Variants in MUC3A observed in about 807,000 individuals in gnomAD.
MUC3A encodes the protein mucin-3A.
MUC3A carries 109 observed loss-of-function variants against 109.0 expected under a neutral mutation model. The ratio of observed to expected loss-of-function variants is 1.00; its 90% CI spans 0.86 to 1.17. The LOEUF (loss-of-function observed/expected upper bound fraction) is 1.17. Among genes scored for constraint, MUC3A ranks in the 50% most tolerant of loss-of-function variants. The pLI is 0.00. For synonymous variants in MUC3A, 1,398 were observed against 981.4 expected, an observed-to-expected ratio of 1.42 and a Z score of -7.93; for missense variants, 3,537 against 2,469.4, an observed-to-expected ratio of 1.43 and a Z score of -9.16.
Position 100,967,196 on chromosome 7 carries a change from C to T in MUC3A, c.*34C>T, listed in dbSNP as rs1792623861. The T allele has an allele frequency of 2.5e-6, 4 of 1,598,206 alleles. No individual in the cohort carries two copies. The highest frequency in any genetic ancestry group is 2.5e-6 in the Non-Finnish European group (3 of 1,179,734). On this transcript the variant is annotated 3_prime_UTR_variant, in exon 12 of 12. Coordinates refer to ENST00000379458, the MANE Select transcript of MUC3A (RefSeq NM_005960.2). ...GGGCCCCTTCACCACCCCCTCCGCC[C>T]TGCCCCGGACACAAGGGTCTGCATT...
At position 100,967,173 on chromosome 7, in the gene MUC3A, G is replaced by T. The variant is rs761016154; in HGVS notation, c.*11G>T. 1.3e-5 allele frequency: 21 copies of T among 1,598,512 alleles called. No homozygotes were observed. The highest frequency in any genetic ancestry group is 1.2e-4 in the Admixed American group (7 of 60,026). On this transcript the variant is annotated 3_prime_UTR_variant, in exon 12 of 12. Transcript: ENST00000379458. ...TCGTCCTCAGTGTGAGCCCTGCGGG[G>T]CCCCTTCACCACCCCCTCCGCCCTG... is the stretch of plus-strand genomic sequence containing the variant.
Position 100,952,364 on chromosome 7 carries a change from A to G in MUC3A, c.585A>G (p.Ala195=). ...AMTSSPSTTT[A]RETPIVTVTP... is the part of the protein sequence containing the mutation. ...CATCTTCTCCCTCTACCACCACTGC[A>G]AGGGAAACTCCCATAGTGACAGTGA... The change falls in exon 2 of 12, where the codon GCA becomes GCG. Residue 195 remains alanine, a synonymous_variant. Transcript: ENST00000379458. 1 of 1,598,524 alleles carries G rather than the reference A, an allele frequency of 6.3e-7. No homozygotes were observed. The highest frequency in any genetic ancestry group is 8.5e-7 in the Non-Finnish European group (1 of 1,179,768).
chr7:100,958,894 C>G lies in MUC3A; in HGVS notation c.7115C>G (p.Thr2372Ser). ...ACCACCGAGACCACCTCACACAGTACTCCCAGCTTCAGTTCTTCAATCACC... is the reference window on the plus strand; with the variant it reads ...ACCACCGAGACCACCTCACACAGTAGTCCCAGCTTCAGTTCTTCAATCACC... ...ITTTETTSHS[T>S]PSFSSSITTT... The change falls in exon 2 of 12, where the codon ACT becomes AGT. Residue 2372 changes from threonine to serine, a missense_variant. Coordinates refer to ENST00000379458, the MANE Select transcript of MUC3A (RefSeq NM_005960.2). 6.3e-7 allele frequency: 1 copy of G among 1,594,536 alleles called. No homozygotes were observed. The highest frequency in any genetic ancestry group is 8.5e-7 in the Non-Finnish European group (1 of 1,177,358).
At chr7:100,966,588 G>A (rs750162854) in intron 9 of MUC3A, 29 bp downstream of exon 9, 62 of 1,579,044 alleles carry the variant, frequency 3.9e-5, no homozygotes, top group Non-Finnish European at 5.1e-5. Flanking sequence ...GGGCCGGGGG[G>A]CGAGGGCAGC....
rs1792684036 is a variant in MUC3A at position 100,967,961 on chromosome 7, C to CCCAG, written c.*801_*802insAGCC. ...ATTCATCGGTTCTGCCCCCGACTCC[C>CCCAG]CCTGACCTAAATACCCCAGCTGCTG... On this transcript the variant is annotated 3_prime_UTR_variant, in exon 12 of 12. Transcript: ENST00000379458. 1 of 155,252 alleles carries CCCAG rather than the reference C, an allele frequency of 6.4e-6. No homozygotes were observed. The highest frequency in any genetic ancestry group is 1.4e-5 in the Non-Finnish European group (1 of 70,162). 9.6% of individuals were successfully genotyped at this position (155,252 alleles called of 1,614,324 possible).
Position 100,960,061 on chromosome 7 carries a change from T to C in MUC3A, c.8282T>C (p.Ile2761Thr). The C allele has an allele frequency of 6.6e-7, 1 of 1,510,350 alleles. No individual in the cohort carries two copies. Among genetic ancestry groups the C allele is most frequent in the Non-Finnish European group, 8.8e-7 (1 of 1,140,364 alleles). 93.6% of individuals were successfully genotyped at this position (1,510,350 alleles called of 1,614,324 possible). The change falls in exon 2 of 12, where the codon ATT becomes ACT. Residue 2761 changes from isoleucine to threonine, a missense_variant. By Grantham distance (89) the Ile-to-Thr change is moderately conservative. Coordinates refer to ENST00000379458, the MANE Select transcript of MUC3A (RefSeq NM_005960.2). ...ACTGAAATAACCCCCTTTTCTTATATTTCCCTTCCCTCCACCACACCCTGT... is the reference window on the plus strand; with the variant it reads ...ACTGAAATAACCCCCTTTTCTTATACTTCCCTTCCCTCCACCACACCCTGT... ...ALTEITPFSY[I>T]SLPSTTPCPG...
At chr7:100,961,043 C>A (rs1792310634) in intron 3 of MUC3A, 106 bp downstream of exon 3, 1 of 1,565,224 alleles carries the variant, frequency 6.4e-7, no homozygotes, top group East Asian at 2.3e-5. Context: ...GCCTTTTTGC[C>A]CGGTCCTTCC....
chr7:100,967,416 A>G lies in MUC3A; in HGVS notation c.*254A>G. The stretch of plus-strand genomic sequence containing the variant: ...GTCAGTAACGAGCCTCAGTTTCCTC[A>G]CCTGCAAAACGGGTACAGCATTCCT... On this transcript the variant is annotated 3_prime_UTR_variant, in exon 12 of 12. Coordinates refer to ENST00000379458, the MANE Select transcript of MUC3A (RefSeq NM_005960.2). 4.9e-6 allele frequency: 3 copies of G among 611,808 alleles called. No homozygotes were observed. Among genetic ancestry groups the G allele is most frequent in the Non-Finnish European group, 8.6e-6 (3 of 348,754 alleles). 37.9% of individuals were successfully genotyped at this position (611,808 alleles called of 1,614,324 possible).
chr7:100,958,146 A>C lies in MUC3A; in HGVS notation c.6367A>C (p.Ser2123Arg). ...CACCACCTCTGAGATGCCCTCACAC[A>C]GTACTCCCAGCTTCACTTCTTCGAT... Reference protein sequence around the residue: ...SITTSEMPSHSTPSFTSSITT... With the variant: ...SITTSEMPSHRTPSFTSSITT... The change falls in exon 2 of 12, where the codon AGT becomes CGT. Residue 2123 changes from serine to arginine, a missense_variant. Transcript: ENST00000379458. The C allele has an allele frequency of 7.8e-7, 1 of 1,286,996 alleles. No individual in the cohort carries two copies. The highest frequency in any genetic ancestry group is 1.1e-6 in the Non-Finnish European group (1 of 897,248). The allele number at this position is 1,286,996 out of a possible 1,614,324, so 79.7% of individuals were successfully genotyped here.
chr7:100,964,938 T>A, intron 6 of MUC3A, 95 bp downstream of exon 6: 1 of 1,479,008 alleles, frequency 6.8e-7, no homozygotes. Flanking sequence ...GTGCCAGCCC[T>A]GTGGTACCTC....
rs146219126 is a variant in MUC3A at position 100,952,868 on chromosome 7, A to T, written c.1089A>T (p.Thr363=). The change falls in exon 2 of 12, where the codon ACA becomes ACT. Residue 363 remains threonine, a synonymous_variant. Coordinates refer to ENST00000379458, the MANE Select transcript of MUC3A (RefSeq NM_005960.2). ...CAAGTATGACAGGTACATTGTCCAC[A>T]GAGACTTCTCTCCCACCCACCTCTT... ...YSTSMTGTLS[T]ETSLPPTSSS... 15 of 1,339,168 alleles carry T rather than the reference A, an allele frequency of 1.1e-5. No homozygotes were observed. The highest frequency in any genetic ancestry group is 1.3e-5 in the Non-Finnish European group (13 of 1,039,258). The allele number at this position is 1,339,168 out of a possible 1,614,324, so 83.0% of individuals were successfully genotyped here.
chr7:100,964,619 G>A (rs1358858503), intron 5 of MUC3A, 76 bp from the exon 6 acceptor site: 2 of 1,522,042 alleles, frequency 1.3e-6, no homozygotes, highest in East Asian at 4.6e-5. Context: ...TGCACTTTGG[G>A]TTGCTTCTGG....
intron 3 of MUC3A, among the ~76,000 whole-genome samples, chr7:100,962,759 CCCTT>C (rs1208528788): frequency 1.3e-5 from 2 of 150,140 alleles, no homozygotes; most frequent in African/African-American, 4.9e-5. Flanking sequence ...AATGCTTTCT[CCCTT>C]TCTTTCTTTC....
chr7:100,966,948 G>A lies in MUC3A; in HGVS notation c.9927G>A (p.Met3309Ile), dbSNP rs754132920. The A allele has an allele frequency of 1.9e-6, 3 of 1,598,544 alleles. No homozygotes were observed. The highest frequency in any genetic ancestry group is 3.3e-4 in the Middle Eastern group (2 of 6,058). The change falls in exon 11 of 12, where the codon ATG becomes ATA. Residue 3309 changes from methionine (M) to isoleucine (I), a missense_variant. Physicochemically the swap from Met to Ile is conservative, Grantham distance 10. Transcript: ENST00000379458. Reference protein sequence around the residue: ...YVALENVDTTMKVHIKRPEMT... With the variant: ...YVALENVDTTIKVHIKRPEMT... Reference sequence around the variant, plus strand: ...CCTTGGAGAACGTGGACACCACTATGAAGGTGAGGGGCTAAAGAGGGGGAC... The same window carrying A: ...CCTTGGAGAACGTGGACACCACTATAAAGGTGAGGGGCTAAAGAGGGGGAC...
Position 100,955,221 on chromosome 7 carries a change from TCCCTTAGTAC to T in MUC3A, c.3446_3455del (p.Leu1149ProfsTer30). ...GATAACCACCACCCCTAATACCACCTCCCTTAGTACCCCCAGCTTCACTTCTTCAACCATC... is the reference window on the plus strand; with the variant it reads ...GATAACCACCACCCCTAATACCACCTCCCCAGCTTCACTTCTTCAACCATC... On this transcript the variant is annotated frameshift_variant, in exon 2 of 12. Transcript: ENST00000379458. LOFTEE classifies it high-confidence loss of function. 1 of 624,122 alleles carries T rather than the reference TCCCTTAGTAC, an allele frequency of 1.6e-6. No homozygotes were observed. Among genetic ancestry groups the T allele is most frequent in the Non-Finnish European group, 2.8e-6 (1 of 355,496 alleles). The allele number at this position is 624,122 out of a possible 1,614,324, so 38.7% of individuals were successfully genotyped here.
Position 100,955,843 on chromosome 7 carries a change from G to T in MUC3A, c.4064G>T (p.Ser1355Ile). ...TTGTGQTTFP[S>I]STATFLETTT... ...GGCACAGGTCAGACCACCTTCCCCA[G>T]CTCTACAGCCACATTCCTTGAGACC... Residue 1355 changes from serine to isoleucine, a missense_variant, in exon 2 of 12, where the codon AGC becomes ATC. Physicochemically the swap from Ser to Ile is moderately radical, Grantham distance 142. Coordinates refer to ENST00000379458, the MANE Select transcript of MUC3A (RefSeq NM_005960.2). 2.2e-6 allele frequency: 1 copy of T among 462,768 alleles called. No individual in the cohort carries two copies. The highest frequency in any genetic ancestry group is 3.8e-6 in the Non-Finnish European group (1 of 264,810). The allele number at this position is 462,768 out of a possible 1,614,324, so 28.7% of individuals were successfully genotyped here. A position where few individuals can be genotyped will look rare whatever the true frequency, so the allele number is the denominator to read the frequency against.
At position 100,958,588 on chromosome 7, in the gene MUC3A, C is replaced by G; in HGVS notation, c.6809C>G (p.Thr2270Ser). 1 of 1,391,502 alleles carries G rather than the reference C, an allele frequency of 7.2e-7. No homozygotes were observed. The highest frequency in any genetic ancestry group is 1.8e-4 in the Middle Eastern group (1 of 5,656). 86.2% of individuals were successfully genotyped at this position (1,391,502 alleles called of 1,614,324 possible). The change falls in exon 2 of 12, where the codon ACT (threonine) becomes AGT (serine). Residue 2270 changes from threonine (T) to serine (S), a missense_variant. Coordinates refer to ENST00000379458, the MANE Select transcript of MUC3A (RefSeq NM_005960.2). ...ITTTETTSHDTPSFTSSITTS... is the reference protein window; with the variant it reads ...ITTTETTSHDSPSFTSSITTS... Reference sequence around the variant, plus strand: ...ACCACTGAGACCACCTCACATGATACTCCCAGCTTCACTTCTTCAATCACC... The same window carrying G: ...ACCACTGAGACCACCTCACATGATAGTCCCAGCTTCACTTCTTCAATCACC...
In MUC3A at chr7:100,957,435, A is replaced by T; in HGVS notation, c.5656A>T (p.Thr1886Ser). The change falls in exon 2 of 12, where the codon ACA (threonine) becomes TCA (serine). Residue 1886 changes from threonine to serine, a missense_variant. Thr to Ser is a moderately conservative substitution (Grantham distance 58, BLOSUM62 1). Coordinates refer to ENST00000379458, the MANE Select transcript of MUC3A (RefSeq NM_005960.2). ...CTCTCTCCTCACCACAGTAACAGCCACAGTTCCAACAACAAACTTGGTAAC... is the reference window on the plus strand; with the variant it reads ...CTCTCTCCTCACCACAGTAACAGCCTCAGTTCCAACAACAAACTTGGTAAC... ...SSSLLTTVTA[T>S]VPTTNLVTTT... The T allele has an allele frequency of 8.5e-7, 1 of 1,178,938 alleles. No homozygotes were observed. The highest frequency in any genetic ancestry group is 1.2e-6 in the Non-Finnish European group (1 of 829,884). 73.0% of individuals were successfully genotyped at this position (1,178,938 alleles called of 1,614,324 possible).
At chr7:100,964,986 C>T (rs79456590) in intron 6 of MUC3A, 143 bp downstream of exon 6, 3 of 3,336 alleles carry the variant, frequency 9.0e-4, no homozygotes, top group African/African-American at 0.015. Flanking sequence ...CCACACACAA[C>T]GGTGTCAAGG....
Sources: allele counts gnomAD v4.1 joint callset (sites outside exome capture counted in the v4.1 genomes callset), GRCh38; gene constraint gnomAD v4.1.1; transcripts MANE v1.5; gene names NCBI Gene and HGNC (gene_info 2026-07-23, HGNC 2026-07-21).